Variants in ATP10B observed in about 807,000 individuals in gnomAD.
ATP10B encodes the protein phospholipid-transporting ATPase VB.
ATP10B carries 122 observed loss-of-function variants against 141.2 expected under a neutral mutation model. That is an observed-to-expected ratio of 0.86 (90% CI 0.75 to 1.00). The LOEUF is 1.00. Among genes scored for constraint, ATP10B ranks in the 50% least tolerant of loss-of-function variants. The pLI is 0.00. For synonymous variants in ATP10B, 685 were observed against 692.0 expected (o/e 0.99, Z 0.16); for missense variants, 1,876 against 1,825.3 (o/e 1.03, Z -0.51).
At chr5:160,715,020 C>A (rs1184115611) in intron 3 of ATP10B, among the ~76,000 whole-genome samples, 46 of 93,680 alleles carry the variant, frequency 4.9e-4, no homozygotes, top group Admixed American at 5.6e-4. Context: ...CTCTTCAAAT[C>A]TGTCAGACAG....
At chr5:160,903,876 G>A in the ATP10B span, among the ~76,000 whole-genome samples, 1 of 152,208 alleles carries the variant, frequency 6.6e-6, no homozygotes, top group Non-Finnish European at 1.5e-5. Context: ...CTCAGCTTTA[G>A]GTGTCTGTTA....
At chr5:160,763,526 C>T (rs140246394) in intron 2 of ATP10B, among the ~76,000 whole-genome samples, 13,229 of 152,070 alleles carry the variant, frequency 0.087, 927 homozygotes, top group East Asian at 0.32. Context: ...ATAATAGTGA[C>T]AAAACCTATC....
intron 3 of ATP10B, among the ~76,000 whole-genome samples, chr5:160,715,773 G>A (rs1765604023): frequency 6.6e-6 from 1 of 151,954 alleles, no homozygotes; most frequent in South Asian, 2.1e-4. Flanking sequence ...GTGCAGTGGT[G>A]TGGTTTCGGC....
At chr5:160,601,881 G>T (rs1022324979) in intron 21 of ATP10B, among the ~76,000 whole-genome samples, 1 of 152,126 alleles carries the variant, frequency 6.6e-6, no homozygotes, top group Non-Finnish European at 1.5e-5. Context: ...GAAAGCCCAG[G>T]GGCACTGAAG....
chr5:160,612,648 A>G, intron 18 of ATP10B, 93 bp downstream of exon 18: 1 of 1,189,562 alleles, frequency 8.4e-7, no homozygotes. Context: ...TCCCTGGTGT[A>G]CCCAAATCCC....
At chr5:160,890,180 A>T in the ATP10B span, among the ~76,000 whole-genome samples, 2 of 152,264 alleles carry the variant, frequency 1.3e-5, no homozygotes, top group Non-Finnish European at 2.9e-5. Context: ...CATCCTAATA[A>T]GTAATCTAAT....
chr5:160,725,165 A>C (rs1766247956), intron 2 of ATP10B, among the ~76,000 whole-genome samples: 1 of 152,236 alleles, frequency 6.6e-6, no homozygotes. Flanking sequence ...AACAGGAGAA[A>C]GAATGACTGC....
At chr5:160,622,684 C>A in intron 13 of ATP10B, 99 bp from the exon 14 acceptor site, 1 of 1,125,286 alleles carries the variant, frequency 8.9e-7, no homozygotes, top group Non-Finnish European at 1.3e-6. Context: ...AGCTTCATTG[C>A]AGTCTTGCAT....
At chr5:160,855,439 TTTC>T (rs1252142232), upstream of ATP10B, among the ~76,000 whole-genome samples, 27 of 152,024 alleles carry the variant, frequency 1.8e-4, no homozygotes, top group African/African-American at 6.5e-4. Flanking sequence ...TGGTGAAATA[TTTC>T]TTAATGTCTT....
At chr5:160,637,246 ATCCATATAC>A (rs1278863835) in intron 10 of ATP10B, among the ~76,000 whole-genome samples, 6 of 147,660 alleles carry the variant, frequency 4.1e-5, no homozygotes, top group East Asian at 4.1e-4. Context: ...CCATTCATCC[ATCCATATAC>A]TCCATATACT....
intron 2 of ATP10B, among the ~76,000 whole-genome samples, chr5:160,782,615 A>G (rs1199375742): frequency 6.6e-5 from 10 of 152,136 alleles, no homozygotes; most frequent in Non-Finnish European, 1.5e-4. Context: ...GGAGCTTACT[A>G]AAGAGACAGC....
In ATP10B at chr5:160,620,790, G is replaced by A; in HGVS notation, c.1973C>T (p.Thr658Ile). The A allele has an allele frequency of 1.2e-6, 2 of 1,614,202 alleles. No individual in the cohort carries two copies. Among genetic ancestry groups the A allele is most frequent in the South Asian group, 2.2e-5 (2 of 91,088 alleles). Residue 658 changes from threonine to isoleucine, a missense_variant, in exon 15 of 26, where the codon ACA (threonine) becomes ATA (isoleucine). Coordinates refer to ENST00000327245, the MANE Select transcript of ATP10B (RefSeq NM_025153.3). ...TGCATCATCTCTCTCATCCGAGTCT[G>A]TGGTGGCCACGTTGGCCCCTAAGCT... The part of the protein sequence containing the change: ...GESLGANVAT[T>I]DSDERDDASV...
At chr5:160,599,427 C>T (rs1009818937) in intron 21 of ATP10B, among the ~76,000 whole-genome samples, 4 of 152,234 alleles carry the variant, frequency 2.6e-5, no homozygotes, top group African/African-American at 7.2e-5. Flanking sequence ...ATCCCCAATT[C>T]TGTCACTTAC....
chr5:160,830,016 C>T (rs1448130724), intron 1 of ATP10B, among the ~76,000 whole-genome samples: 1 of 152,008 alleles, frequency 6.6e-6, no homozygotes, highest in Non-Finnish European at 1.5e-5. Flanking sequence ...AGTGGGCATC[C>T]TTGTCTTGTT....
intron 1 of ATP10B, among the ~76,000 whole-genome samples, chr5:160,839,165 C>T (rs1561912661): frequency 6.6e-6 from 1 of 152,100 alleles, no homozygotes; most frequent in African/African-American, 2.4e-5. Flanking sequence ...AAGCAAAAAA[C>T]TGACTAATAC....
intron 6 of ATP10B, among the ~76,000 whole-genome samples, chr5:160,683,051 A>ACCC: frequency 6.6e-6 from 1 of 150,908 alleles, no homozygotes; most frequent in Admixed American, 6.6e-5. Flanking sequence ...AAAAAAAAAA[A>ACCC]AAAAAAAAAA....
At chr5:160,922,212 G>A in the ATP10B span, among the ~76,000 whole-genome samples, 1 of 152,174 alleles carries the variant, frequency 6.6e-6, no homozygotes, top group Non-Finnish European at 1.5e-5. Flanking sequence ...GCTCAGGATT[G>A]GGAGTCCACA....
At chr5:160,649,006 T>C (rs1006851759) in intron 8 of ATP10B, among the ~76,000 whole-genome samples, 165 bp downstream of exon 8, 1 of 114,664 alleles carries the variant, frequency 8.7e-6, no homozygotes, top group Non-Finnish European at 1.8e-5. Context: ...AAAAAAAAAA[T>C]AGAAAAAGTT....
Position 160,632,309 on chromosome 5 carries a change from G to C in ATP10B, c.1440C>G (p.Tyr480Ter). ...ATCTAGCCGAGAAGGACAGGCATTG[G>C]TATTGGGTCCACTCTTCACCATCTG... is the stretch of plus-strand genomic sequence containing the variant. ...LDSDGEEWTQ[Y>*]QCLSFSARWA... is the part of the protein sequence containing the mutation. The change falls in exon 13 of 26, where the codon TAC becomes TAG. Residue 480 changes from tyrosine to a stop codon, truncating the protein, a stop_gained. Coordinates refer to ENST00000327245, the MANE Select transcript of ATP10B (RefSeq NM_025153.3). LOFTEE classifies it high-confidence loss of function. 1 of 1,614,178 alleles carries C rather than the reference G, an allele frequency of 6.2e-7. No individual in the cohort carries two copies. Among genetic ancestry groups the C allele is most frequent in the Non-Finnish European group, 8.5e-7 (1 of 1,180,026 alleles).
Sources: gnomAD v4.1 joint callset for allele counts (sites outside exome capture counted in the v4.1 genomes callset) on GRCh38, gnomAD v4.1.1 for gene constraint, MANE v1.5 for transcripts, NCBI Gene and HGNC (gene_info 2026-07-23, HGNC 2026-07-21) for gene names.